The following B3GAT3 variants were observed in gnomAD, a reference collection of about 807,000 sequenced individuals.
B3GAT3 encodes the protein galactosylgalactosylxylosylprotein 3-beta-glucuronosyltransferase 3.
A neutral mutation model predicts 33.1 loss-of-function variants in B3GAT3; 19 were observed. That is an observed-to-expected ratio of 0.57 (90% CI 0.40 to 0.84). The LOEUF (loss-of-function observed/expected upper bound fraction) is 0.84, where lower values mean the gene tolerates loss of function less well. Among genes scored for constraint, B3GAT3 ranks in the 40% least tolerant of loss-of-function variants. The probability of loss-of-function intolerance (pLI) is 0.00; values close to 1 mark genes in which losing one functional copy is unlikely to be tolerated. For synonymous variants in B3GAT3, 167 were observed against 193.5 expected (o/e 0.86, Z 1.14); for missense variants, 344 against 441.5 (o/e 0.78, Z 1.98).
chr11:62,619,044 G>A (rs556958869), intron 2 of B3GAT3, among the ~76,000 whole-genome samples: 6 of 151,854 alleles, frequency 4.0e-5, no homozygotes, highest in South Asian at 4.2e-4. Flanking sequence ...CCAGCTACTC[G>A]GGAGGCTGAG....
Position 62,615,524 on chromosome 11 carries a change from C to T in B3GAT3, c.*177G>A. The stretch of plus-strand genomic sequence containing the variant: ...TGTCCCCAGCCTGTGGGCAGTGCCA[C>T]ACGGCAGGCTAGGGGAGGGGTGAAG... On this transcript the variant is annotated 3_prime_UTR_variant, in exon 5 of 5. Coordinates refer to ENST00000265471, the MANE Select transcript of B3GAT3 (RefSeq NM_012200.4). 8.3e-7 allele frequency: 1 copy of T among 1,210,438 alleles called. No individual in the cohort carries two copies. The allele number at this position is 1,210,438 out of a possible 1,614,324, so 75.0% of individuals were successfully genotyped here.
Position 62,619,699 on chromosome 11 carries a change from CTTTTTTT to C in B3GAT3, c.257+791_257+797del, listed in dbSNP as rs5792264. On this transcript the variant is annotated intron_variant, in intron 2 of 4. Coordinates refer to ENST00000265471, the MANE Select transcript of B3GAT3 (RefSeq NM_012200.4). ...GGCATGCACCATCACGCCTAGCTAA[CTTTTTTT>C]TTTTTTTTTTTTTTTTTTCAGAGAC... is the stretch of plus-strand genomic sequence containing the variant. Among the ~76,000 whole-genome samples the C allele has an allele frequency of 8.6e-4, 74 of 85,704 alleles. 2 individuals are homozygous for C. Among genetic ancestry groups the C allele is most frequent in the Middle Eastern group, 9.6e-3 (1 of 104 alleles). The allele number at this position is 85,704 out of a possible 152,430, so 56.2% of individuals were successfully genotyped here.
chr11:62,621,331 T>A (rs1390585491), intron 1 of B3GAT3: 1 of 456,314 alleles, frequency 2.2e-6, no homozygotes, highest in Non-Finnish European at 4.4e-6. Flanking sequence ...TATTACAAAC[T>A]GTGATGGGGC....
rs776598325 is a variant in B3GAT3 at position 62,616,644 on chromosome 11, G to A, written c.771C>T (p.Ala257=). ...RPFPVDMAGF[A]VALPLLLDKP... ...TATCTAACAGCAAGGGCAGGGCCAC[G>A]GCAAATCCAGCCATATCCACAGGGA... Residue 257 remains alanine (A), a synonymous_variant, in exon 4 of 5, where the codon GCC becomes GCT. Transcript: ENST00000265471. 16 of 1,614,076 alleles carry A rather than the reference G, an allele frequency of 9.9e-6. No homozygotes were observed. The highest frequency in any genetic ancestry group is 1.2e-5 in the Non-Finnish European group (14 of 1,180,036).
chr11:62,616,620 A>G lies in B3GAT3; in HGVS notation c.795T>C (p.Asp265=). The G allele has an allele frequency of 6.2e-7, 1 of 1,614,214 alleles. No individual in the cohort carries two copies. Among genetic ancestry groups the G allele is most frequent in the Non-Finnish European group, 8.5e-7 (1 of 1,180,044 alleles). ...TGGAATCAAATTGGGCATTGGGCTT[A>G]TCTAACAGCAAGGGCAGGGCCACGG... ...GFAVALPLLL[D]KPNAQFDSTA... The change falls in exon 4 of 5, where the codon GAT becomes GAC. Residue 265 remains aspartate, a synonymous_variant. Coordinates refer to ENST00000265471, the MANE Select transcript of B3GAT3 (RefSeq NM_012200.4).
intron 1 of B3GAT3, chr11:62,621,205 C>G: frequency 2.2e-6 from 1 of 456,326 alleles, no homozygotes; most frequent in Non-Finnish European, 4.4e-6. Context: ...CTAGGAGGCA[C>G]TGCCTTAGGT....
chr11:62,616,060 C>G, intron 4 of B3GAT3: 5 of 1,050,632 alleles, frequency 4.8e-6, no homozygotes, highest in Non-Finnish European at 6.4e-6. Context: ...TGGCTAACAC[C>G]GTGAAACCCC....
intron 2 of B3GAT3, among the ~76,000 whole-genome samples, chr11:62,618,202 A>AAC (rs1943073080): frequency 1.3e-5 from 2 of 149,848 alleles, no homozygotes; most frequent in African/African-American, 4.9e-5. Context: ...AAAAAAAAAA[A>AAC]AACAAATTAA....
rs1590772468 is a variant in B3GAT3 at position 62,615,439 on chromosome 11, T to C, written c.*262A>G. 3.3e-6 allele frequency: 2 copies of C among 601,952 alleles called. No homozygotes were observed. The highest frequency in any genetic ancestry group is 5.9e-5 in the East Asian group (2 of 34,048). The allele number at this position is 601,952 out of a possible 1,614,324, so 37.3% of individuals were successfully genotyped here. A position where few individuals can be genotyped will look rare whatever the true frequency, so the allele number is the denominator to read the frequency against. Reference sequence around the variant, plus strand: ...TTACTCAGCTGCCCTCCCTCCTGGGTCCATCTGTCCTTCTGTTCCACCCTA... The same window carrying C: ...TTACTCAGCTGCCCTCCCTCCTGGGCCCATCTGTCCTTCTGTTCCACCCTA... On this transcript the variant is annotated 3_prime_UTR_variant, in exon 5 of 5. Coordinates refer to ENST00000265471, the MANE Select transcript of B3GAT3 (RefSeq NM_012200.4).
intron 1 of B3GAT3, 42 bp from the exon 2 acceptor site, chr11:62,620,713 G>A (rs769825933): frequency 9.5e-6 from 15 of 1,575,294 alleles, no homozygotes; most frequent in Non-Finnish European, 1.2e-5. Flanking sequence ...GGTGGGGACA[G>A]AGAACCGCAG....
chr11:62,617,278 C>T lies in B3GAT3; in HGVS notation c.327G>A (p.Leu109=), dbSNP rs556127254. Residue 109 remains leucine (L), a synonymous_variant, in exon 3 of 5, where the codon CTG becomes CTA. Coordinates refer to ENST00000265471, the MANE Select transcript of B3GAT3 (RefSeq NM_012200.4). The part of the protein sequence containing the change: ...TLSLVPRLHW[L]LVEDAEGPTP... ...TGGGACCCTCAGCATCCTCCACCAG[C>T]AGCCAATGCAGCCGGGGCACCAGGC... The T allele has an allele frequency of 6.2e-7, 1 of 1,613,366 alleles. No individual in the cohort carries two copies. Among genetic ancestry groups the T allele is most frequent in the African/African-American group, 1.3e-5 (1 of 75,060 alleles).
At chr11:62,620,350 T>A in intron 2 of B3GAT3, 147 bp downstream of exon 2, 1 of 799,584 alleles carries the variant, frequency 1.3e-6, no homozygotes, top group Non-Finnish European at 2.1e-6. Flanking sequence ...CCCACAAATA[T>A]TTGAGTATAA....
rs190106779 is a variant in B3GAT3, at chr11:62,618,647, C to T, written c.258-1300G>A. ...ATTGCACCCAGCCTAGATGACAGAG[C>T]GAGACTCCATCTCAAAAAAAAAAAA... On this transcript the variant is annotated intron_variant, in intron 2 of 4. Transcript: ENST00000265471. Among the ~76,000 whole-genome samples, 914 of 141,012 alleles carry T rather than the reference C, an allele frequency of 6.5e-3. 10 individuals are homozygous for T. Among genetic ancestry groups the T allele is most frequent in the Middle Eastern group, 0.018 (4 of 228 alleles). 92.5% of individuals were successfully genotyped at this position (141,012 alleles called of 152,430 possible). A position where few individuals can be genotyped will look rare whatever the true frequency, so the allele number is the denominator to read the frequency against.
intron 4 of B3GAT3, chr11:62,616,160 T>C (rs1163941135): frequency 2.1e-5 from 11 of 533,598 alleles, no homozygotes; most frequent in South Asian, 1.6e-4. Context: ...AGGAGAATGG[T>C]GTGAACCCGG....
At chr11:62,619,138 A>G (rs994835929) in intron 2 of B3GAT3, among the ~76,000 whole-genome samples, 12 of 151,430 alleles carry the variant, frequency 7.9e-5, no homozygotes, top group Non-Finnish European at 1.6e-4. Flanking sequence ...GCAACAGAGC[A>G]AGACTCCATC....
At position 62,615,578 on chromosome 11, in the gene B3GAT3, G is replaced by A. The variant is rs1447353199; in HGVS notation, c.*123C>T. 1.7e-5 allele frequency: 26 copies of A among 1,508,742 alleles called. No individual in the cohort carries two copies. The highest frequency in any genetic ancestry group is 2.3e-5 in the Non-Finnish European group (26 of 1,124,436). 93.5% of individuals were successfully genotyped at this position (1,508,742 alleles called of 1,614,324 possible). A position where few individuals can be genotyped will look rare whatever the true frequency, so the allele number is the denominator to read the frequency against. On this transcript the variant is annotated 3_prime_UTR_variant, in exon 5 of 5. Transcript: ENST00000265471. ...CAGGACCATGCCCTGGGCCTGGAGG[G>A]GCAGAGGGGCCACTTCTGGCTCCAA...
Position 62,620,607 on chromosome 11 carries a change from C to A in B3GAT3, c.147G>T (p.Leu49=). 1 of 1,612,814 alleles carries A rather than the reference C, an allele frequency of 6.2e-7. No individual in the cohort carries two copies. The highest frequency in any genetic ancestry group is 8.5e-7 in the Non-Finnish European group (1 of 1,179,408). The change falls in exon 2 of 5, where the codon CTG becomes CTT. Residue 49 remains leucine (L), a synonymous_variant. Transcript: ENST00000265471. ...AAAEQLRQKD[L]RISQLQAELR... ...GTTCCGCTTGCAGCTGGGAAATCCT[C>A]AGATCCTTCTGCCGTAGCTGCTCGG...
Position 62,616,734 on chromosome 11 carries a change from C to T in B3GAT3, c.681G>A (p.Glu227=), listed in dbSNP as rs371137797. The T allele has an allele frequency of 5.3e-5, 86 of 1,613,880 alleles. No homozygotes were observed. The highest frequency in any genetic ancestry group is 6.9e-5 in the Non-Finnish European group (82 of 1,179,970). ...PVGLVGGLRF[E]GPQVQDGRVV... is the part of the protein sequence containing the mutation. Reference sequence around the variant, plus strand: ...CCCGGCCGTCCTGTACCTGAGGGCCCTCGAATCGCAGGCCGCCCACCAGCC... The same window carrying T: ...CCCGGCCGTCCTGTACCTGAGGGCCTTCGAATCGCAGGCCGCCCACCAGCC... Residue 227 remains glutamate, a synonymous_variant, in exon 4 of 5, where the codon GAG becomes GAA. Coordinates refer to ENST00000265471, the MANE Select transcript of B3GAT3 (RefSeq NM_012200.4).
At chr11:62,616,923 A>G in intron 3 of B3GAT3, 64 bp downstream of exon 3, 1 of 1,613,506 alleles carries the variant, frequency 6.2e-7, no homozygotes, top group Non-Finnish European at 8.5e-7. Context: ...CAACACTGCT[A>G]ACCAAGGTAA....
Sources: allele counts gnomAD v4.1 joint callset (sites outside exome capture counted in the v4.1 genomes callset), GRCh38; gene constraint gnomAD v4.1.1; transcripts MANE v1.5; gene names NCBI Gene and HGNC (gene_info 2026-07-23, HGNC 2026-07-21).